The following DPYD variants were observed in gnomAD, a reference collection of about 807,000 sequenced individuals.
The protein encoded by DPYD is dihydropyrimidine dehydrogenase [NADP(+)].
DPYD carries 109 observed loss-of-function variants against 116.2 expected under a neutral mutation model. The ratio of observed to expected loss-of-function variants is 0.94; its 90% CI spans 0.80 to 1.10. DPYD has a LOEUF of 1.10. Among genes scored for constraint, DPYD ranks in the 50% least tolerant of loss-of-function variants. The pLI is 0.00. For missense variants in DPYD, 1,302 were observed against 1,254.5 expected (o/e 1.04, Z -0.57); for synonymous variants, 440 against 432.0 (o/e 1.02, Z -0.23).
At chr1:97,247,112 T>C (rs1662771311) in intron 18 of DPYD, among the ~76,000 whole-genome samples, 1 of 152,172 alleles carries the variant, frequency 6.6e-6, no homozygotes, top group African/African-American at 2.4e-5. Context: ...AGAGCTTATA[T>C]AATGGAAGAG....
At position 97,573,819 on chromosome 1, in the gene DPYD, A is replaced by G. The variant is rs200693895; in HGVS notation, c.1280T>C (p.Val427Ala). The G allele has an allele frequency of 8.9e-5, 144 of 1,613,488 alleles. No homozygotes were observed. The highest frequency in any genetic ancestry group is 4.8e-4 in the South Asian group (44 of 91,076). Residue 427 changes from valine (V) to alanine (A), a missense_variant, in exon 11 of 23, where the codon GTC becomes GCC. Transcript: ENST00000370192. ...GATGACCACATCGGCTTTCAGATGG[A>G]CCATCTGATCTTCATCTTCATTCCA... ...GKWNEDEDQM[V>A]HLKADVVISA...
chr1:97,115,642 C>T (rs1514498), intron 20 of DPYD, among the ~76,000 whole-genome samples: 16 of 152,060 alleles, frequency 1.1e-4, no homozygotes, highest in Admixed American at 4.6e-4. Context: ...AAAGTATTGT[C>T]TTAAAAGTCA....
chr1:97,458,781 C>A (rs1676849503), intron 13 of DPYD, among the ~76,000 whole-genome samples: 1 of 152,170 alleles, frequency 6.6e-6, no homozygotes, highest in Non-Finnish European at 1.5e-5. Context: ...AAAATTTAAA[C>A]TGCGAGGTTA....
At chr1:97,150,440 C>T (rs942959305) in intron 20 of DPYD, among the ~76,000 whole-genome samples, 2 of 152,170 alleles carry the variant, frequency 1.3e-5, no homozygotes, top group South Asian at 4.1e-4. Context: ...TGAATGAAAG[C>T]ACCATTCAAA....
chr1:97,278,548 C>A (rs1665102390), intron 18 of DPYD, among the ~76,000 whole-genome samples: 1 of 152,166 alleles, frequency 6.6e-6, no homozygotes, highest in African/African-American at 2.4e-5. Flanking sequence ...ATCAGAGCTG[C>A]AATTATGCCA....
intron 20 of DPYD, among the ~76,000 whole-genome samples, chr1:97,151,225 A>G (rs1398970246): frequency 6.6e-6 from 1 of 152,214 alleles, no homozygotes; most frequent in Non-Finnish European, 1.5e-5. Context: ...ACCTTACTGT[A>G]TTTGAGAACA....
At chr1:97,253,508 G>A (rs1040250676) in intron 18 of DPYD, among the ~76,000 whole-genome samples, 47 of 152,220 alleles carry the variant, frequency 3.1e-4, no homozygotes, top group Non-Finnish European at 1.6e-4. Context: ...CTAAGGTTTT[G>A]CTAAGTGTTT....
intron 20 of DPYD, among the ~76,000 whole-genome samples, chr1:97,162,518 G>A (rs753026916): frequency 2.0e-4 from 30 of 152,166 alleles, no homozygotes; most frequent in Admixed American, 5.9e-4. Flanking sequence ...ATGCTCATGG[G>A]TAGGAAGAAT....
intron 13 of DPYD, among the ~76,000 whole-genome samples, chr1:97,497,387 T>G (rs998922778): frequency 6.6e-6 from 1 of 151,876 alleles, no homozygotes; most frequent in Non-Finnish European, 1.5e-5. Context: ...ACTCCAAAAC[T>G]CTATTTTTAG....
rs1208765974 is a variant in DPYD, at chr1:97,915,710, A to G, written c.39+5174T>C. Reference sequence around the variant, plus strand: ...TAAATATTTTTAATTAAGGTGGAATATAAACAAAATAAAATTTTCTTTACA... The same window carrying G: ...TAAATATTTTTAATTAAGGTGGAATGTAAACAAAATAAAATTTTCTTTACA... On this transcript the variant is annotated intron_variant, in intron 1 of 22. Transcript: ENST00000370192. Among the ~76,000 whole-genome samples the G allele has an allele frequency of 2.6e-5, 4 of 152,220 alleles. No homozygotes were observed. In the East Asian group the frequency reaches 7.7e-4, roughly 29 times the overall value.
chr1:97,372,487 C>A (rs757617599), intron 16 of DPYD, among the ~76,000 whole-genome samples: 23 of 152,066 alleles, frequency 1.5e-4, no homozygotes, highest in Admixed American at 6.6e-4. Flanking sequence ...ATCTTCTGGG[C>A]AACCTGTTGT....
At chr1:97,684,503 G>A (rs1053074701) in intron 7 of DPYD, among the ~76,000 whole-genome samples, 1 of 151,714 alleles carries the variant, frequency 6.6e-6, no homozygotes, top group Non-Finnish European at 1.5e-5. Context: ...CGGAACTGAA[G>A]GAGATAGAGA....
intron 19 of DPYD, among the ~76,000 whole-genome samples, chr1:97,195,815 C>A (rs1053732599): frequency 6.7e-6 from 1 of 150,238 alleles, no homozygotes; most frequent in African/African-American, 2.4e-5. Flanking sequence ...GTGAGGGACA[C>A]CGAGCAGAAG....
intron 21 of DPYD, among the ~76,000 whole-genome samples, chr1:97,083,027 T>A (rs370811838): frequency 6.6e-6 from 1 of 152,168 alleles, no homozygotes. Context: ...TTCTAATTTA[T>A]GTTAATCGCT....
At chr1:97,391,045 CCTCTTTTT>C (rs1672668457) in intron 14 of DPYD, among the ~76,000 whole-genome samples, 1 of 117,608 alleles carries the variant, frequency 8.5e-6, no homozygotes, top group Non-Finnish European at 1.9e-5. Context: ...ACTTACTTTT[CCTCTTTTT>C]TTTTTTTTTT....
At chr1:97,532,671 C>T (rs1649714232) in intron 12 of DPYD, among the ~76,000 whole-genome samples, 1 of 151,858 alleles carries the variant, frequency 6.6e-6, no homozygotes, top group Admixed American at 6.6e-5. Context: ...CATAATAGTC[C>T]CTTATGGTCT....
chr1:97,646,322 T>G (rs1571121361), intron 8 of DPYD, among the ~76,000 whole-genome samples: 1 of 151,944 alleles, frequency 6.6e-6, no homozygotes, highest in African/African-American at 2.4e-5. Context: ...TCTTTTTATT[T>G]TTTTTTTCAT....
intron 3 of DPYD, among the ~76,000 whole-genome samples, chr1:97,791,048 A>G (rs1480775124): frequency 6.6e-6 from 1 of 152,228 alleles, no homozygotes; most frequent in East Asian, 1.9e-4. Flanking sequence ...TTATGTCTAA[A>G]TAACAGTTTA....
rs145529148 is a variant in DPYD, at chr1:97,079,139, T to C, written c.2915A>G (p.Gln972Arg). 9.5e-5 allele frequency: 154 copies of C among 1,613,394 alleles called. No individual in the cohort carries two copies. In the African/African-American group the frequency reaches 1.8e-3, roughly 19 times the overall value. ...TCNDSGYQAI[Q>R]FDPETHLPTI... is the part of the protein sequence containing the mutation. ...GGGCAGGTGGGTTTCTGGATCAAAC[T>C]GTATAGCCTGCAAACAGAAATAGAG... is the stretch of plus-strand genomic sequence containing the variant. The change falls in exon 23 of 23, where the codon CAG becomes CGG. Residue 972 changes from glutamine (Q) to arginine (R), a missense_variant. Transcript: ENST00000370192.
Sources: allele counts gnomAD v4.1 joint callset (sites outside exome capture counted in the v4.1 genomes callset), GRCh38; gene constraint gnomAD v4.1.1; transcripts MANE v1.5; gene names NCBI Gene and HGNC (gene_info 2026-07-23, HGNC 2026-07-21).